Variants in NRCAM observed in about 807,000 individuals in gnomAD.
NRCAM encodes neuronal cell adhesion molecule.
Under a neutral mutation model 156.5 loss-of-function variants are expected in NRCAM, and 83 were observed. That is an observed-to-expected ratio of 0.53 (90% CI 0.44 to 0.64). The LOEUF (loss-of-function observed/expected upper bound fraction) is 0.64. Ranked by LOEUF, NRCAM falls within the 30% of genes least tolerant of loss-of-function variation. NRCAM has a pLI of 0.00. For missense variants in NRCAM, 1,417 were observed against 1,597.3 expected, an observed-to-expected ratio of 0.89 and a Z score of 1.92; for synonymous variants, 538 against 563.9, an observed-to-expected ratio of 0.95 and a Z score of 0.65.
At chr7:108,434,798 AG>A (rs1381496426) in intron 1 of NRCAM, among the ~76,000 whole-genome samples, 1 of 152,162 alleles carries the variant, frequency 6.6e-6, no homozygotes, top group East Asian at 1.9e-4. Flanking sequence ...TTTTTTTTTA[AG>A]TAAAAAAAGA....
intron 2 of NRCAM, among the ~76,000 whole-genome samples, chr7:108,359,892 C>A (rs534585946): frequency 1.3e-5 from 2 of 152,126 alleles, no homozygotes; most frequent in Non-Finnish European, 2.9e-5. Flanking sequence ...CAGTGGCAAC[C>A]GAGGTTCTGA....
chr7:108,192,000 T>C, intron 17 of NRCAM, 147 bp from the exon 18 acceptor site: 1 of 823,966 alleles, frequency 1.2e-6, no homozygotes, highest in Non-Finnish European at 1.8e-6. Context: ...CATATCACTT[T>C]AAGAATGATT....
rs375557770 is a variant in NRCAM at position 108,161,323 on chromosome 7, C to A, written c.3467-831G>T. 3.6e-4 allele frequency among the ~76,000 whole-genome samples: 55 copies of A among 152,236 alleles called. No homozygotes were observed. The East Asian group carries it at 0.01, about 29-fold the overall frequency. ...TCTATTCTGTTTAATAAATGTGAAA[C>A]CCCTTATTCCATCAGTCATAATATG... On this transcript the variant is annotated intron_variant, in intron 30 of 32. Coordinates refer to ENST00000379028, the MANE Select transcript of NRCAM (RefSeq NM_001037132.4).
intron 2 of NRCAM, among the ~76,000 whole-genome samples, chr7:108,393,605 G>A (rs892910166): frequency 3.2e-4 from 48 of 152,098 alleles, no homozygotes; most frequent in Non-Finnish European, 1.6e-4. Context: ...ACCCCTGTCC[G>A]ACAAGCCCCA....
At chr7:108,201,424 A>C (rs1388746818) in intron 13 of NRCAM, among the ~76,000 whole-genome samples, 1 of 152,168 alleles carries the variant, frequency 6.6e-6, no homozygotes, top group African/African-American at 2.4e-5. Flanking sequence ...AAATTCCTTA[A>C]ATGTATTGAG....
chr7:108,187,879 C>T lies in NRCAM; in HGVS notation c.2035+1766G>A, dbSNP rs12334281. Reference sequence around the variant, plus strand: ...CTGAGGCAGGAGAATGGCGTGAACCCGGGAGGCAGAGCTTGCAGTGAGCCG... The same window carrying T: ...CTGAGGCAGGAGAATGGCGTGAACCTGGGAGGCAGAGCTTGCAGTGAGCCG... On this transcript the variant is annotated intron_variant, in intron 20 of 32. Transcript: ENST00000379028. Among the ~76,000 whole-genome samples the T allele has an allele frequency of 2.5e-3, 383 of 151,994 alleles. 1 individual carries two copies. Among genetic ancestry groups the T allele is most frequent in the African/African-American group, 8.9e-3 (369 of 41,444 alleles).
intron 3 of NRCAM, among the ~76,000 whole-genome samples, chr7:108,242,428 G>A (rs1283535173): frequency 6.6e-6 from 1 of 152,016 alleles, no homozygotes; most frequent in Non-Finnish European, 1.5e-5. Flanking sequence ...TGAGACACAG[G>A]TATAGAAGCT....
At chr7:108,268,753 A>G (rs184713809) in intron 3 of NRCAM, among the ~76,000 whole-genome samples, 1 of 152,134 alleles carries the variant, frequency 6.6e-6, no homozygotes, top group African/African-American at 2.4e-5. Flanking sequence ...TTCAGTAAAA[A>G]TGTTGAGGGA....
chr7:108,324,715 G>A (rs370270226), intron 2 of NRCAM, among the ~76,000 whole-genome samples: 5 of 152,162 alleles, frequency 3.3e-5, no homozygotes, highest in African/African-American at 9.6e-5. Flanking sequence ...TTTCAATAAC[G>A]TCTACAAATC....
intron 2 of NRCAM, among the ~76,000 whole-genome samples, chr7:108,339,727 C>CGT: frequency 6.6e-6 from 1 of 152,022 alleles, no homozygotes; most frequent in African/African-American, 2.4e-5. Flanking sequence ...GCATTAGGAC[C>CGT]ATAGAGGACG....
intron 32 of NRCAM, among the ~76,000 whole-genome samples, chr7:108,158,801 C>A (rs1039261342): frequency 1.3e-5 from 2 of 152,010 alleles, no homozygotes; most frequent in African/African-American, 4.8e-5. Flanking sequence ...TAATCTTTTC[C>A]TTCTCTTGAA....
chr7:108,152,542 G>GT (rs11439518), intron 32 of NRCAM, among the ~76,000 whole-genome samples: 141,476 of 151,946 alleles, frequency 0.93, 65,899 homozygotes, highest in East Asian at 1. Context: ...CCCTGGGAGG[G>GT]TTTCAAAGAA....
At chr7:108,304,712 C>A (rs1032754226) in intron 3 of NRCAM, among the ~76,000 whole-genome samples, 4 of 152,116 alleles carry the variant, frequency 2.6e-5, no homozygotes, top group Non-Finnish European at 5.9e-5. Context: ...TCCCAGCACT[C>A]ATTCAATGAT....
chr7:108,452,085 CCT>C (rs1224868086), intron 1 of NRCAM, among the ~76,000 whole-genome samples: 1 of 152,162 alleles, frequency 6.6e-6, no homozygotes, highest in East Asian at 1.9e-4. Flanking sequence ...GAGCCATTCC[CCT>C]ATTTCCTTCC....
chr7:108,314,776 C>G (rs1044712406), intron 2 of NRCAM, among the ~76,000 whole-genome samples: 4 of 152,068 alleles, frequency 2.6e-5, no homozygotes, highest in Non-Finnish European at 5.9e-5. Flanking sequence ...AATGAGAATT[C>G]ATAACATTCA....
At chr7:108,346,905 T>TTAAA (rs60076855) in intron 2 of NRCAM, among the ~76,000 whole-genome samples, 37,860 of 151,952 alleles carry the variant, frequency 0.25, 5,189 homozygotes, top group Non-Finnish European at 0.3. Flanking sequence ...CATCATATGT[T>TTAAA]TAACACTTTA....
intron 3 of NRCAM, among the ~76,000 whole-genome samples, chr7:108,273,377 G>A (rs560060520): frequency 3.9e-5 from 6 of 152,312 alleles, no homozygotes; most frequent in South Asian, 4.1e-4. Context: ...GTGTAAAAGC[G>A]TTCCTATTTC....
intron 20 of NRCAM, among the ~76,000 whole-genome samples, chr7:108,185,935 T>C (rs2066497735): frequency 6.6e-6 from 1 of 152,144 alleles, no homozygotes; most frequent in Non-Finnish European, 1.5e-5. Flanking sequence ...ATATTACCTC[T>C]CAGAGAATAT....
chr7:108,241,555 C>T (rs2095529753), intron 3 of NRCAM, among the ~76,000 whole-genome samples: 1 of 152,060 alleles, frequency 6.6e-6, no homozygotes, highest in Admixed American at 6.6e-5. Flanking sequence ...TTTACGATGT[C>T]CATCTTTTCC....
Sources: gnomAD v4.1 joint callset for allele counts (sites outside exome capture counted in the v4.1 genomes callset) on GRCh38, gnomAD v4.1.1 for gene constraint, MANE v1.5 for transcripts, NCBI Gene and HGNC (gene_info 2026-07-23, HGNC 2026-07-21) for gene names.